The following AP3S1 variants were observed in gnomAD, a reference collection of about 807,000 sequenced individuals.
AP3S1 encodes the protein adaptor related protein complex 3 subunit sigma 1.
Under a neutral mutation model 21.3 loss-of-function variants are expected in AP3S1, and 12 were observed. That is an observed-to-expected ratio of 0.56 (90% CI 0.36 to 0.91). AP3S1 has a LOEUF of 0.91. Among genes scored for constraint, AP3S1 ranks in the 40% least tolerant of loss-of-function variants. The pLI is 0.01. For missense variants in AP3S1, 116 were observed against 225.0 expected, an observed-to-expected ratio of 0.52 and a Z score of 3.10; for synonymous variants, 48 against 78.4, an observed-to-expected ratio of 0.61 and a Z score of 2.05.
intron 5 of AP3S1, among the ~76,000 whole-genome samples, chr5:115,904,943 T>A (rs776425993): frequency 1.3e-5 from 2 of 152,156 alleles, no homozygotes; most frequent in Non-Finnish European, 2.9e-5. Context: ...TATTGACCAG[T>A]TGTCTGGAAT....
At chr5:115,848,786 C>T (rs1270002385) in intron 1 of AP3S1, among the ~76,000 whole-genome samples, 2 of 152,206 alleles carry the variant, frequency 1.3e-5, no homozygotes, top group African/African-American at 4.8e-5. Context: ...TAACTAAACA[C>T]ATTTTTTCCT....
At chr5:115,854,356 T>C (rs1304480628) in intron 1 of AP3S1, among the ~76,000 whole-genome samples, 1 of 152,220 alleles carries the variant, frequency 6.6e-6, no homozygotes, top group Non-Finnish European at 1.5e-5. Flanking sequence ...CTAAGCATTT[T>C]TTATACATTG....
intron 5 of AP3S1, among the ~76,000 whole-genome samples, chr5:115,909,743 AC>A (rs894651293): frequency 1.2e-4 from 18 of 152,128 alleles, no homozygotes; most frequent in African/African-American, 4.3e-4. Context: ...GAAATATCTT[AC>A]TTTTACGTTT....
chr5:115,843,327 A>C (rs1393353543), intron 1 of AP3S1, among the ~76,000 whole-genome samples: 3 of 152,262 alleles, frequency 2.0e-5, no homozygotes, highest in African/African-American at 7.2e-5. Flanking sequence ...GTTTGCCTAA[A>C]ATGATAATGC....
At chr5:115,862,920 G>A (rs543794567) in intron 1 of AP3S1, among the ~76,000 whole-genome samples, 1 of 152,304 alleles carries the variant, frequency 6.6e-6, no homozygotes, top group Admixed American at 6.5e-5. Context: ...GTCTGTGGCT[G>A]TGGTTGCCCA....
At chr5:115,871,042 G>A (rs1748190673) in intron 3 of AP3S1, among the ~76,000 whole-genome samples, 2 of 152,192 alleles carry the variant, frequency 1.3e-5, no homozygotes, top group African/African-American at 4.8e-5. Context: ...GCCAAGTTTA[G>A]GGAACTGGAA....
At chr5:115,899,847 GAGAA>G (rs1277943606) in intron 4 of AP3S1, among the ~76,000 whole-genome samples, 1 of 151,920 alleles carries the variant, frequency 6.6e-6, no homozygotes, top group Non-Finnish European at 1.5e-5. Flanking sequence ...ATCCAATTGA[GAGAA>G]AGAAGAATGA....
rs145454480 is a variant in AP3S1 at position 115,876,585 on chromosome 5, T to G, written c.273+6457T>G. On this transcript the variant is annotated intron_variant, in intron 3 of 5. Transcript: ENST00000316788. ...CTACTATATAATCTGTAGGCCTTGT[T>G]TACAATTTGCCACTTGTCCCATTCA... 3.6e-3 allele frequency among the ~76,000 whole-genome samples: 551 copies of G among 152,314 alleles called. 4 individuals are homozygous for G. Among genetic ancestry groups the G allele is most frequent in the Middle Eastern group, 0.014 (4 of 294 alleles).
chr5:115,889,521 A>G (rs1404781629), intron 3 of AP3S1, among the ~76,000 whole-genome samples: 1 of 152,212 alleles, frequency 6.6e-6, no homozygotes, highest in Non-Finnish European at 1.5e-5. Context: ...GACATAAAAC[A>G]ATGTTAACTA....
chr5:115,847,566 C>A (rs1418638218), intron 1 of AP3S1, among the ~76,000 whole-genome samples: 1 of 152,198 alleles, frequency 6.6e-6, no homozygotes, highest in Non-Finnish European at 1.5e-5. Context: ...CTGCAATGAG[C>A]TGAGATTGCG....
chr5:115,868,391 C>T (rs777439272), intron 2 of AP3S1, among the ~76,000 whole-genome samples: 1 of 152,070 alleles, frequency 6.6e-6, no homozygotes, highest in Non-Finnish European at 1.5e-5. Flanking sequence ...TGTAAATATA[C>T]TCTCAGAATC....
intron 1 of AP3S1, among the ~76,000 whole-genome samples, chr5:115,855,360 A>G (rs1762730038): frequency 6.6e-6 from 1 of 150,546 alleles, no homozygotes; most frequent in Admixed American, 6.6e-5. Flanking sequence ...TTTTTATTCA[A>G]CCAGGGCCTC....
chr5:115,865,465 A>G (rs1763541149), intron 1 of AP3S1, among the ~76,000 whole-genome samples: 1 of 152,156 alleles, frequency 6.6e-6, no homozygotes, highest in African/African-American at 2.4e-5. Flanking sequence ...TTTGATCTTC[A>G]AAAACTGGTT....
chr5:115,870,679 T>TC (rs1211629979), intron 3 of AP3S1, among the ~76,000 whole-genome samples: 1 of 152,210 alleles, frequency 6.6e-6, no homozygotes, highest in African/African-American at 2.4e-5. Flanking sequence ...TTCTTTCTTC[T>TC]CAAACACCTC....
intron 2 of AP3S1, 144 bp downstream of exon 2, chr5:115,866,905 T>C (rs1763666019): frequency 4.7e-6 from 2 of 427,972 alleles, no homozygotes; most frequent in East Asian, 3.8e-5. Flanking sequence ...GCTATAAATC[T>C]AACTTAAAGA....
At chr5:115,852,900 T>A (rs1160346829) in intron 1 of AP3S1, 2 of 374,196 alleles carry the variant, frequency 5.3e-6, no homozygotes, top group Non-Finnish European at 1.1e-5. Flanking sequence ...TTGTTTCCAC[T>A]TTTTGGTTAC....
intron 1 of AP3S1, chr5:115,852,860 T>G (rs1762537654): frequency 2.8e-5 from 9 of 316,472 alleles, no homozygotes; most frequent in South Asian, 2.5e-4. Flanking sequence ...GTATCTTGTT[T>G]GTCCATTTAT....
chr5:115,867,399 T>G (rs1747779531), intron 2 of AP3S1, among the ~76,000 whole-genome samples: 1 of 152,178 alleles, frequency 6.6e-6, no homozygotes, highest in Admixed American at 6.5e-5. Context: ...TTAAAATGAA[T>G]AAGAATATTG....
At chr5:115,846,347 G>C (rs372569102) in intron 1 of AP3S1, among the ~76,000 whole-genome samples, 5 of 152,232 alleles carry the variant, frequency 3.3e-5, no homozygotes, top group East Asian at 1.9e-4. Flanking sequence ...TCTTTCTTTT[G>C]TGTGAATTAT....
Sources: allele counts gnomAD v4.1 joint callset (sites outside exome capture counted in the v4.1 genomes callset), GRCh38; gene constraint gnomAD v4.1.1; transcripts MANE v1.5; gene names NCBI Gene and HGNC (gene_info 2026-07-23, HGNC 2026-07-21).